The following CRACR2A variants were observed in gnomAD, a reference collection of about 807,000 sequenced individuals.
CRACR2A encodes EF-hand calcium-binding domain-containing protein 4B.
In CRACR2A, 79 loss-of-function variants were observed where a neutral mutation model predicts 90.5. That is an observed-to-expected ratio of 0.87 (90% CI 0.73 to 1.05). The LOEUF is 1.05. Ranked by LOEUF, CRACR2A falls within the 50% of genes least tolerant of loss-of-function variation. The probability of loss-of-function intolerance (pLI) is 0.00; values close to 1 mark genes in which losing one functional copy is unlikely to be tolerated. For synonymous variants in CRACR2A, 338 were observed against 356.7 expected, an observed-to-expected ratio of 0.95 and a Z score of 0.59; for missense variants, 823 against 897.2, an observed-to-expected ratio of 0.92 and a Z score of 1.06.
intron 17 of CRACR2A, among the ~76,000 whole-genome samples, chr12:3,625,532 G>A (rs1944239559): frequency 6.6e-6 from 1 of 150,596 alleles, no homozygotes; most frequent in Non-Finnish European, 1.5e-5. Context: ...GATACTGGGG[G>A]ACAACTAAAT....
intron 13 of CRACR2A, among the ~76,000 whole-genome samples, chr12:3,639,337 G>A (rs1001676619): frequency 3.3e-5 from 5 of 152,022 alleles, no homozygotes; most frequent in East Asian, 3.9e-4. Context: ...GCAGGGAATC[G>A]GGGAACTGGA....
In CRACR2A at chr12:3,654,980, G is replaced by A. The variant is rs144745940; in HGVS notation, c.859-581C>T. On this transcript the variant is annotated intron_variant, in intron 9 of 19. Transcript: ENST00000440314. The stretch of plus-strand genomic sequence containing the variant: ...CAAACAGAACATAGACCTTTTCTAT[G>A]TCCCTAAAGCAACTAAAAACCCTGC... Among the ~76,000 whole-genome samples, 467 of 152,246 alleles carry A rather than the reference G, an allele frequency of 3.1e-3. 3 individuals are homozygous for A. The highest frequency in any genetic ancestry group is 0.01 in the African/African-American group (429 of 41,542).
intron 3 of CRACR2A, among the ~76,000 whole-genome samples, chr12:3,703,235 C>T (rs572352241): frequency 8.5e-5 from 13 of 152,222 alleles, no homozygotes; most frequent in African/African-American, 3.1e-4. Context: ...ACTACAGGCG[C>T]CCGCCACCAC....
rs568738627 is a variant in CRACR2A, at chr12:3,736,268, A to G, written c.-386-3058T>C. ...AGGGATAGGGACAGATTCAAGAGAC[A>G]GAGTGTGATGACAGCTGAACATGGG... On this transcript the variant is annotated intron_variant, in intron 1 of 19. Transcript: ENST00000440314. Among the ~76,000 whole-genome samples, 9 of 151,642 alleles carry G rather than the reference A, an allele frequency of 5.9e-5. No individual in the cohort carries two copies. In the South Asian group the frequency reaches 1.5e-3, roughly 25 times the overall value.
intron 2 of CRACR2A, among the ~76,000 whole-genome samples, chr12:3,720,423 GA>G (rs1946148753): frequency 1.3e-5 from 1 of 78,258 alleles, no homozygotes; most frequent in Non-Finnish European, 2.8e-5. Context: ...GAGGAAGAAA[GA>G]AAGAAAGAAA....
chr12:3,713,124 G>A (rs936811089), intron 3 of CRACR2A, 113 bp downstream of exon 3: 9 of 335,178 alleles, frequency 2.7e-5, no homozygotes, highest in South Asian at 1.2e-4. Flanking sequence ...TGATCCTCAT[G>A]AATATTAAAA....
Position 3,678,897 on chromosome 12 carries a change from A to T in CRACR2A, c.524+18T>A. The T allele has an allele frequency of 6.3e-7, 1 of 1,588,132 alleles. No individual in the cohort carries two copies. Among genetic ancestry groups the T allele is most frequent in the Non-Finnish European group, 8.6e-7 (1 of 1,168,848 alleles). ...TACCAGGCTGGTCTCCGTTCTACAA[A>T]TCACTGTCACCACTTACTCTTCCAA... On this transcript the variant is annotated intron_variant, in intron 6 of 19. Coordinates refer to ENST00000440314, the MANE Select transcript of CRACR2A (RefSeq NM_001144958.2).
At chr12:3,709,774 C>T (rs910475891) in intron 3 of CRACR2A, among the ~76,000 whole-genome samples, 6 of 152,114 alleles carry the variant, frequency 3.9e-5, no homozygotes, top group African/African-American at 1.4e-4. Context: ...GAGACTCCGT[C>T]TCAAGAAAAA....
At chr12:3,683,562 G>A (rs761482617) in intron 4 of CRACR2A, among the ~76,000 whole-genome samples, 145 of 152,118 alleles carry the variant, frequency 9.5e-4, no homozygotes, top group Admixed American at 4.1e-3. Context: ...CACTTCCTCC[G>A]TAAGGCCTTT....
intron 4 of CRACR2A, among the ~76,000 whole-genome samples, chr12:3,689,606 G>C (rs1945619017): frequency 6.6e-6 from 1 of 152,164 alleles, no homozygotes; most frequent in Non-Finnish European, 1.5e-5. Context: ...GTATTTTGTT[G>C]AGGAATTTTG....
intron 17 of CRACR2A, among the ~76,000 whole-genome samples, chr12:3,621,655 A>AAAAAAAAAAAAAAAAAAAAAAAC: frequency 8.1e-6 from 1 of 123,022 alleles, no homozygotes; most frequent in Non-Finnish European, 1.6e-5. Flanking sequence ...TGTCAAAAAA[A>AAAAAAAAAAAAAAAAAAAAAAAC]AAAAAAAAAA....
chr12:3,642,626 G>T (rs117715008), intron 12 of CRACR2A, among the ~76,000 whole-genome samples: 46 of 152,362 alleles, frequency 3.0e-4, no homozygotes, highest in Non-Finnish European at 6.0e-4. Flanking sequence ...CAGATGTAAT[G>T]AGAAAGTAAC....
intron 4 of CRACR2A, among the ~76,000 whole-genome samples, chr12:3,690,575 C>A (rs1945634671): frequency 6.6e-6 from 1 of 152,128 alleles, no homozygotes; most frequent in African/African-American, 2.4e-5. Flanking sequence ...TGTTTTATGT[C>A]CAATTATGTG....
intron 1 of CRACR2A, among the ~76,000 whole-genome samples, chr12:3,734,953 A>G (rs902923748): frequency 1.3e-5 from 2 of 152,220 alleles, no homozygotes; most frequent in Non-Finnish European, 2.9e-5. Flanking sequence ...TCTAATGTAC[A>G]GCATGATGAC....
intron 14 of CRACR2A, among the ~76,000 whole-genome samples, chr12:3,635,871 A>G (rs1236965095): frequency 6.6e-6 from 1 of 152,208 alleles, no homozygotes; most frequent in Non-Finnish European, 1.5e-5. Flanking sequence ...ATCTTGATGC[A>G]TTCCTTCCAA....
intron 10 of CRACR2A, among the ~76,000 whole-genome samples, chr12:3,652,516 G>A (rs1274370716): frequency 6.6e-6 from 1 of 151,910 alleles, no homozygotes; most frequent in East Asian, 1.9e-4. Context: ...GCTCAAACAT[G>A]TCTCCTTCCT....
chr12:3,687,040 G>A (rs1386319070), intron 4 of CRACR2A, among the ~76,000 whole-genome samples: 2 of 152,108 alleles, frequency 1.3e-5, no homozygotes, highest in East Asian at 1.9e-4. Flanking sequence ...CTATCTGGGT[G>A]AGCTGGCTAC....
chr12:3,677,960 G>A (rs1945366209), intron 6 of CRACR2A, among the ~76,000 whole-genome samples: 1 of 152,104 alleles, frequency 6.6e-6, no homozygotes, highest in African/African-American at 2.4e-5. Context: ...ATCGTATATA[G>A]GCCTCTTCTC....
rs376963180 is a variant in CRACR2A, at chr12:3,648,622, G to A, written c.1047-9C>T. On this transcript the variant is annotated splice_polypyrimidine_tract_variant and intron_variant, in intron 10 of 19. Transcript: ENST00000440314. ...TCACACGGTACACTTCCCTGAGGAG[G>A]AGGCAAACACATGGCAGTGAGCTCC... is the stretch of plus-strand genomic sequence containing the variant. 110 of 1,610,598 alleles carry A rather than the reference G, an allele frequency of 6.8e-5. 1 individual carries two copies. The highest frequency in any genetic ancestry group is 8.6e-5 in the Non-Finnish European group (101 of 1,177,486).
Sources: allele counts gnomAD v4.1 joint callset (sites outside exome capture counted in the v4.1 genomes callset), GRCh38; gene constraint gnomAD v4.1.1; transcripts MANE v1.5; gene names NCBI Gene and HGNC (gene_info 2026-07-23, HGNC 2026-07-21).